CTNNA3: variants seen among roughly 807,000 people sequenced by gnomAD.
CTNNA3 encodes the protein catenin alpha 3, also known as catenin alpha-3.
Under a neutral mutation model 95.7 loss-of-function variants are expected in CTNNA3, and 76 were observed. That is an observed-to-expected ratio of 0.79 (90% CI 0.66 to 0.96). The LOEUF is 0.96. CTNNA3 is among the 40% of genes least tolerant of loss of function. The pLI is 0.00. For synonymous variants in CTNNA3, 431 were observed against 374.4 expected (o/e 1.15, Z -1.74); for missense variants, 1,191 against 1,089.8 (o/e 1.09, Z -1.31).
At chr10:66,632,282 G>A (rs1391823174) in intron 9 of CTNNA3, among the ~76,000 whole-genome samples, 4 of 151,902 alleles carry the variant, frequency 2.6e-5, no homozygotes, top group African/African-American at 4.8e-5. Context: ...GGCTGGGTAC[G>A]GTGGCTCACG....
chr10:65,986,148 T>A (rs1048006655), intron 16 of CTNNA3, among the ~76,000 whole-genome samples: 11 of 151,506 alleles, frequency 7.3e-5, no homozygotes, highest in African/African-American at 2.7e-4. Context: ...ATTTTGTCTC[T>A]GGATAGTTGA....
chr10:67,487,153 C>T (rs1249525941), intron 5 of CTNNA3, among the ~76,000 whole-genome samples: 1 of 152,090 alleles, frequency 6.6e-6, no homozygotes, highest in African/African-American at 2.4e-5. Context: ...CACTTGGATC[C>T]AGGAAGAAAT....
At chr10:66,320,863 A>C (rs560235407) in intron 12 of CTNNA3, among the ~76,000 whole-genome samples, 1 of 152,280 alleles carries the variant, frequency 6.6e-6, no homozygotes, top group African/African-American at 2.4e-5. Flanking sequence ...GACTTTTGTT[A>C]AAGTGGCTGA....
At chr10:66,925,843 C>A in intron 7 of CTNNA3, 1 of 337,660 alleles carries the variant, frequency 3.0e-6, no homozygotes, top group South Asian at 2.2e-5. Flanking sequence ...ACTTGGAAAT[C>A]ACAGAAAATG....
In CTNNA3 at chr10:66,423,044, A is replaced by G. The variant is rs1163707695; in HGVS notation, c.1532-43692T>C. 4.6e-5 allele frequency among the ~76,000 whole-genome samples: 7 copies of G among 152,118 alleles called. No individual in the cohort carries two copies. In the East Asian group the frequency reaches 1.2e-3, roughly 25 times the overall value. On this transcript the variant is annotated intron_variant, in intron 11 of 17. Coordinates refer to ENST00000433211, the MANE Select transcript of CTNNA3 (RefSeq NM_013266.4). ...CACTACTACACCTGGTGGTAGTTTT[A>G]CAGCCACTCCCTGTCCAACTCCAAC... is the stretch of plus-strand genomic sequence containing the variant.
At chr10:66,752,519 G>C (rs541509741) in intron 9 of CTNNA3, among the ~76,000 whole-genome samples, 12 of 152,024 alleles carry the variant, frequency 7.9e-5, no homozygotes, top group Non-Finnish European at 1.8e-4. Context: ...TTCTGGATTA[G>C]GCAAAAGTTT....
chr10:66,644,625 G>A (rs936990221), intron 9 of CTNNA3, among the ~76,000 whole-genome samples: 10 of 151,612 alleles, frequency 6.6e-5, no homozygotes, highest in South Asian at 2.1e-4. Context: ...CTTTATCCCC[G>A]TCTTACAAAA....
intron 5 of CTNNA3, among the ~76,000 whole-genome samples, chr10:67,471,083 C>G (rs911020756): frequency 6.6e-6 from 1 of 152,008 alleles, no homozygotes; most frequent in Admixed American, 6.6e-5. Flanking sequence ...TCCCAAAGCA[C>G]GGGGGGGTGG....
At chr10:65,986,132 T>G (rs1160770056) in intron 16 of CTNNA3, among the ~76,000 whole-genome samples, 1 of 151,450 alleles carries the variant, frequency 6.6e-6, no homozygotes, top group Non-Finnish European at 1.5e-5. Flanking sequence ...AAATTTCTTT[T>G]TGTTTATTTT....
intron 10 of CTNNA3, among the ~76,000 whole-genome samples, chr10:66,570,833 T>A (rs1842849478): frequency 6.6e-6 from 1 of 152,092 alleles, no homozygotes; most frequent in Admixed American, 6.6e-5. Flanking sequence ...AAAAACAATA[T>A]TTACTAGCTG....
intron 13 of CTNNA3, among the ~76,000 whole-genome samples, chr10:66,227,634 T>C (rs1166526800): frequency 6.6e-6 from 1 of 152,200 alleles, no homozygotes; most frequent in African/African-American, 2.4e-5. Flanking sequence ...TGTAGATTTC[T>C]TTTATTGTTG....
intron 7 of CTNNA3, among the ~76,000 whole-genome samples, chr10:66,809,466 A>G (rs1841788809): frequency 6.6e-6 from 1 of 152,014 alleles, no homozygotes; most frequent in Non-Finnish European, 1.5e-5. Flanking sequence ...TTTTTCTTGG[A>G]TCTGGGATCC....
chr10:66,632,082 A>T (rs1206007186), intron 9 of CTNNA3, among the ~76,000 whole-genome samples: 1 of 152,166 alleles, frequency 6.6e-6, no homozygotes, highest in Non-Finnish European at 1.5e-5. Flanking sequence ...ATATAAAAAG[A>T]GAATGGAATG....
Position 66,744,003 on chromosome 10 carries a change from AAG to A in CTNNA3, c.1281+22259_1281+22260del, listed in dbSNP as rs1346486504. ...AAAAAAAAAAAAAAAAAAAAAAGGA[AAG>A]AAGGAGGAAGAGGAGGAAAAGCAGA... is the stretch of plus-strand genomic sequence containing the variant. On this transcript the variant is annotated intron_variant, in intron 9 of 17. Transcript: ENST00000433211. Among the ~76,000 whole-genome samples, 84 of 150,136 alleles carry A rather than the reference AAG, an allele frequency of 5.6e-4. 1 individual carries two copies. Among genetic ancestry groups the A allele is most frequent in the African/African-American group, 1.9e-3 (76 of 40,766 alleles).
chr10:66,965,359 A>G (rs1849344167), intron 7 of CTNNA3, among the ~76,000 whole-genome samples: 1 of 151,820 alleles, frequency 6.6e-6, no homozygotes, highest in East Asian at 1.9e-4. Flanking sequence ...ACATGGTGAA[A>G]CCCTGTCTCT....
At chr10:66,699,699 T>C (rs1847880760) in intron 9 of CTNNA3, among the ~76,000 whole-genome samples, 1 of 151,864 alleles carries the variant, frequency 6.6e-6, no homozygotes, top group Non-Finnish European at 1.5e-5. Flanking sequence ...TTTGCTCTTG[T>C]TGCCCAGGCT....
chr10:67,305,378 T>TAAA (rs562331483), intron 5 of CTNNA3, among the ~76,000 whole-genome samples: 1,133 of 105,478 alleles, frequency 0.011, 25 homozygotes, highest in African/African-American at 0.04. Context: ...AAAAAAAAAT[T>TAAA]AAAAAAAAAA....
chr10:66,134,920 T>C (rs2083279453), intron 13 of CTNNA3, among the ~76,000 whole-genome samples: 1 of 152,178 alleles, frequency 6.6e-6, no homozygotes, highest in African/African-American at 2.4e-5. Context: ...GGAAATATTA[T>C]AACAAAAGAA....
chr10:66,265,340 G>C (rs2091120894), intron 13 of CTNNA3, among the ~76,000 whole-genome samples: 1 of 151,962 alleles, frequency 6.6e-6, no homozygotes, highest in African/African-American at 2.4e-5. Context: ...CTAAGTCTTA[G>C]TGGTAGTACT....
Sources: gnomAD v4.1 joint callset for allele counts (sites outside exome capture counted in the v4.1 genomes callset) on GRCh38, gnomAD v4.1.1 for gene constraint, MANE v1.5 for transcripts, NCBI Gene and HGNC (gene_info 2026-07-23, HGNC 2026-07-21) for gene names.